Variants in RPL26 observed in about 807,000 individuals in gnomAD.
RPL26 encodes ribosomal protein L26, also known as large ribosomal subunit protein uL24.
RPL26 carries 1 observed loss-of-function variant against 16.2 expected under a neutral mutation model. The ratio of observed to expected loss-of-function variants is 0.06; its 90% confidence interval spans 0.02 to 0.29. The LOEUF (loss-of-function observed/expected upper bound fraction) is 0.29. Ranked by LOEUF, RPL26 falls within the 10% of genes least tolerant of loss-of-function variation. RPL26 has a pLI of 1.00. For synonymous variants in RPL26, 55 were observed against 62.4 expected, an observed-to-expected ratio of 0.88 and a Z score of 0.56; for missense variants, 102 against 184.3, an observed-to-expected ratio of 0.55 and a Z score of 2.58.
chr17:8,381,782 G>A, intron 2 of RPL26: 1 of 218,644 alleles, frequency 4.6e-6, no homozygotes, highest in Non-Finnish European at 9.1e-6. Context: ...ACAAAAATTA[G>A]CCGAGCCGTG....
intron 2 of RPL26, 144 bp downstream of exon 2, chr17:8,381,999 G>T: frequency 1.6e-6 from 1 of 643,520 alleles, no homozygotes. Context: ...CTTACTTACT[G>T]TTTTTTGGTC....
intron 2 of RPL26, 109 bp downstream of exon 2, chr17:8,382,034 C>T (rs1225473385): frequency 1.0e-6 from 1 of 976,202 alleles, no homozygotes. Context: ...TCTTGCCACT[C>T]TTTGGGAGCA....
chr17:8,377,771 C>T (rs941163112), intron 3 of RPL26, 79 bp from the exon 4 acceptor site: 1 of 1,375,154 alleles, frequency 7.3e-7, no homozygotes, highest in Non-Finnish European at 9.8e-7. Context: ...CATTCAATAC[C>T]ATTTCCCAAA....
Position 8,383,167 on chromosome 17 carries a change from T to G in RPL26, c.-16A>C. On this transcript the variant is annotated 5_prime_UTR_variant, in exon 1 of 4. Transcript: ENST00000648839. ...CCGCCGAATCCTTACCCGCTCCCGC[T>G]TCGGTGATGGCCGCAAAAGGGAAGA... The G allele has an allele frequency of 2.5e-6, 1 of 398,666 alleles. No individual in the cohort carries two copies. Among genetic ancestry groups the G allele is most frequent in the Non-Finnish European group, 4.4e-6 (1 of 226,100 alleles). The allele number at this position is 398,666 out of a possible 1,614,324, so 24.7% of individuals were successfully genotyped here.
At chr17:8,379,071 T>G (rs1907290495) in intron 3 of RPL26, 1 of 152,332 alleles carries the variant, frequency 6.6e-6, no homozygotes, top group Admixed American at 6.5e-5. Flanking sequence ...TTTGCCTCAG[T>G]AGGCCTGGGC....
rs757141344 is a variant in RPL26 at position 8,377,555 on chromosome 17, A to G, written c.*9T>C. 3 of 1,580,232 alleles carry G rather than the reference A, an allele frequency of 1.9e-6. No homozygotes were observed. The highest frequency in any genetic ancestry group is 2.3e-5 in the South Asian group (2 of 88,770). On this transcript the variant is annotated 3_prime_UTR_variant, in exon 4 of 4. Transcript: ENST00000648839. ...CAAGTTTTAATCAAAGCTTGTATAT[A>G]AGATTACTTTATTCCTGCATCTTCT...
chr17:8,378,258 G>GA (rs1028112804), intron 3 of RPL26, among the ~76,000 whole-genome samples: 1 of 152,082 alleles, frequency 6.6e-6, no homozygotes, highest in South Asian at 2.1e-4. Context: ...TGGAACCCTG[G>GA]GGGGGCGGAG....
chr17:8,382,968 G>A (rs556243889), intron 1 of RPL26, 189 bp downstream of exon 1: 2 of 398,224 alleles, frequency 5.0e-6, no homozygotes, highest in Non-Finnish European at 8.8e-6. Flanking sequence ...CCAAATCCCC[G>A]GTCCCTCCAT....
At chr17:8,380,044 T>G in intron 2 of RPL26, 108 bp from the exon 3 acceptor site, 1 of 976,540 alleles carries the variant, frequency 1.0e-6, no homozygotes. Context: ...TATTAAAAGG[T>G]TAAAAAAAAG....
intron 2 of RPL26, 46 bp from the exon 3 acceptor site, chr17:8,379,982 C>G (rs1447204430): frequency 6.6e-7 from 1 of 1,524,992 alleles, no homozygotes; most frequent in Admixed American, 1.8e-5. Flanking sequence ...AAAAGATTAA[C>G]CTTGTAAATC....
intron 2 of RPL26, 165 bp downstream of exon 2, chr17:8,381,978 C>A: frequency 2.3e-4 from 118 of 506,734 alleles, no homozygotes; most frequent in Middle Eastern, 5.6e-4. Context: ...CAATTAAAAA[C>A]TGAAAAGCAG....
chr17:8,377,760 A>T (rs1907213985), intron 3 of RPL26, 68 bp from the exon 4 acceptor site: 1 of 1,435,774 alleles, frequency 7.0e-7, no homozygotes, highest in Non-Finnish European at 9.4e-7. Context: ...GGAAAGCCCA[A>T]CATTCAATAC....
At chr17:8,382,410 G>A (rs1907465823) in intron 1 of RPL26, 95 bp from the exon 2 acceptor site, 6 of 881,598 alleles carry the variant, frequency 6.8e-6, no homozygotes, top group Non-Finnish European at 1.1e-5. Flanking sequence ...AGTCTAGAAT[G>A]ATCATAGGCA....
At chr17:8,382,952 G>C in intron 1 of RPL26, 2 of 398,118 alleles carry the variant, frequency 5.0e-6, no homozygotes, top group Non-Finnish European at 8.9e-6. Flanking sequence ...GCTCGTTTTC[G>C]AGTTCCCAAA....
chr17:8,382,596 C>T lies in RPL26; in HGVS notation c.-5-281G>A, dbSNP rs1461382947. ...ATAAGACCTTTTAGTTACACTCTCC[C>T]AACTCCTCAAGTAGTGCCTGAGGAA... On this transcript the variant is annotated intron_variant, in intron 1 of 3. Transcript: ENST00000648839. The T allele has an allele frequency of 1.0e-5, 4 of 385,198 alleles. No individual in the cohort carries two copies. The Admixed American group carries it at 1.3e-4, about 13-fold the overall frequency. The allele number at this position is 385,198 out of a possible 1,614,324, so 23.9% of individuals were successfully genotyped here.
At chr17:8,379,747 C>A (rs771312504) in intron 3 of RPL26, 49 bp downstream of exon 3, 1 of 1,553,950 alleles carries the variant, frequency 6.4e-7, no homozygotes, top group South Asian at 1.1e-5. Flanking sequence ...ATCATGTCAA[C>A]AATAATTGCC....
Position 8,379,834 on chromosome 17 carries a change from T to C in RPL26, c.271A>G (p.Asn91Asp). The C allele has an allele frequency of 6.2e-7, 1 of 1,613,844 alleles. No homozygotes were observed. ...ATGCCTACGTGGACAGTTGTGCCATTAGCCTTTTCCCGCTGCACCCGTTCA... is the reference window on the plus strand; with the variant it reads ...ATGCCTACGTGGACAGTTGTGCCATCAGCCTTTTCCCGCTGCACCCGTTCA... Reference protein sequence around the residue: ...YIERVQREKANGTTVHVGIHP... With the variant: ...YIERVQREKADGTTVHVGIHP... The change falls in exon 3 of 4, where the codon AAT becomes GAT. Residue 91 changes from asparagine to aspartate, a missense_variant. Physicochemically the swap from Asn to Asp is conservative, Grantham distance 23. Coordinates refer to ENST00000648839, the MANE Select transcript of RPL26 (RefSeq NM_000987.5).
Position 8,382,292 on chromosome 17 carries a change from C to A in RPL26, c.19G>T (p.Val7Leu). The A allele has an allele frequency of 6.2e-7, 1 of 1,613,226 alleles. No individual in the cohort carries two copies. The highest frequency in any genetic ancestry group is 2.2e-5 in the East Asian group (1 of 44,846). The part of the protein sequence containing the change: MKFNPF[V>L]TSDRSKNRKR... Reference sequence around the variant, plus strand: ...CGATTCTTGCTTCGGTCGGAAGTCACAAAGGGATTAAACTTCATTTTGGCT... The same window carrying A: ...CGATTCTTGCTTCGGTCGGAAGTCAAAAAGGGATTAAACTTCATTTTGGCT... The change falls in exon 2 of 4, where the codon GTG (valine) becomes TTG (leucine). Residue 7 changes from valine (V) to leucine (L), a missense_variant. Val to Leu is a conservative substitution (Grantham distance 32, BLOSUM62 1). Transcript: ENST00000648839.
chr17:8,378,256 T>TGG (rs35232759), intron 3 of RPL26, among the ~76,000 whole-genome samples: 15 of 151,866 alleles, frequency 9.9e-5, no homozygotes, highest in Non-Finnish European at 1.3e-4. Flanking sequence ...TCTGGAACCC[T>TGG]GGGGGGGCGG....
Sources: gnomAD v4.1 joint callset for allele counts (sites outside exome capture counted in the v4.1 genomes callset) on GRCh38, gnomAD v4.1.1 for gene constraint, MANE v1.5 for transcripts, NCBI Gene and HGNC (gene_info 2026-07-23, HGNC 2026-07-21) for gene names.